Variants in MACROD2 observed in about 807,000 individuals in gnomAD.
MACROD2 encodes mono-ADP ribosylhydrolase 2.
MACROD2 carries 36 observed loss-of-function variants against 70.4 expected under a neutral mutation model. That is an observed-to-expected ratio of 0.51 (90% CI 0.39 to 0.68). The LOEUF (loss-of-function observed/expected upper bound fraction) is 0.68, where lower values mean the gene tolerates loss of function less well. Ranked by LOEUF, MACROD2 falls within the 30% of genes least tolerant of loss-of-function variation. The pLI is 0.00. For synonymous variants in MACROD2, 172 were observed against 178.8 expected (o/e 0.96, Z 0.30); for missense variants, 496 against 538.4 (o/e 0.92, Z 0.78).
At chr20:15,908,195 C>T (rs927526219) in intron 10 of MACROD2, among the ~76,000 whole-genome samples, 1 of 152,082 alleles carries the variant, frequency 6.6e-6, no homozygotes, top group Non-Finnish European at 1.5e-5. Context: ...ATGCGCTAGA[C>T]CAGTGGAAGT....
chr20:14,702,664 T>C (rs1400886430), intron 5 of MACROD2, among the ~76,000 whole-genome samples: 1 of 79,208 alleles, frequency 1.3e-5, no homozygotes, highest in Non-Finnish European at 2.5e-5. Flanking sequence ...TATATATGTG[T>C]ATATATATAT....
chr20:15,518,225 T>C (rs2047597390), intron 8 of MACROD2, among the ~76,000 whole-genome samples: 1 of 152,230 alleles, frequency 6.6e-6, no homozygotes, highest in African/African-American at 2.4e-5. Flanking sequence ...CAAATACTTC[T>C]CGAGGTCAGA....
At chr20:15,239,750 A>T (rs1036774035) in intron 6 of MACROD2, among the ~76,000 whole-genome samples, 2 of 152,184 alleles carry the variant, frequency 1.3e-5, no homozygotes, top group African/African-American at 4.8e-5. Context: ...AAGGAGAAAG[A>T]AGCCAGGAGA....
intron 5 of MACROD2, among the ~76,000 whole-genome samples, chr20:14,970,016 A>T (rs2074676125): frequency 6.6e-6 from 1 of 152,146 alleles, no homozygotes; most frequent in Non-Finnish European, 1.5e-5. Context: ...GTATTAGTCC[A>T]TTCTCACGCT....
intron 3 of MACROD2, among the ~76,000 whole-genome samples, chr20:14,455,381 C>G (rs564027535): frequency 1.3e-5 from 2 of 151,910 alleles, no homozygotes; most frequent in South Asian, 4.1e-4. Flanking sequence ...ATCCTGAAAC[C>G]TACTGAAGTG....
intron 5 of MACROD2, among the ~76,000 whole-genome samples, chr20:14,751,450 G>C (rs1024782229): frequency 4.6e-5 from 7 of 152,074 alleles, no homozygotes; most frequent in African/African-American, 1.7e-4. Flanking sequence ...TAGCAAAACT[G>C]ATCTGTACCA....
At chr20:14,465,855 A>C (rs543947029) in intron 3 of MACROD2, among the ~76,000 whole-genome samples, 43 of 152,266 alleles carry the variant, frequency 2.8e-4, no homozygotes, top group Non-Finnish European at 5.3e-4. Flanking sequence ...AATGTTGAAT[A>C]GTGGCCCCCA....
In MACROD2 at chr20:16,022,491, G is replaced by A. The variant is rs140736448; in HGVS notation, c.1154-18710G>A. Among the ~76,000 whole-genome samples, 34 of 152,286 alleles carry A rather than the reference G, an allele frequency of 2.2e-4. No individual in the cohort carries two copies. The East Asian group carries it at 6.0e-3, about 27-fold the overall frequency. ...GGTGAAAAGCAATCAGTAAGCCAAT[G>A]ACTCTCAAGCTTTTACATGTACAAG... On this transcript the variant is annotated intron_variant, in intron 15 of 17. Transcript: ENST00000684519.
chr20:15,116,211 T>C (rs1054911912), intron 5 of MACROD2, among the ~76,000 whole-genome samples: 1 of 152,198 alleles, frequency 6.6e-6, no homozygotes, highest in Non-Finnish European at 1.5e-5. Flanking sequence ...ACTGTGTGTG[T>C]CCACTTATAT....
intron 3 of MACROD2, chr20:14,329,321 G>T (rs191901846): frequency 6.6e-6 from 1 of 152,144 alleles, no homozygotes; most frequent in East Asian, 1.9e-4. Flanking sequence ...CTGGGACTGA[G>T]CATCTCCTGT....
chr20:14,434,438 G>A (rs1295365908), intron 3 of MACROD2, among the ~76,000 whole-genome samples: 1 of 149,940 alleles, frequency 6.7e-6, no homozygotes, highest in Admixed American at 6.8e-5. Flanking sequence ...CCAGTATTAG[G>A]TGCTTCAGTT....
intron 5 of MACROD2, among the ~76,000 whole-genome samples, chr20:14,822,860 T>C (rs2072862118): frequency 6.6e-6 from 1 of 152,080 alleles, no homozygotes; most frequent in Non-Finnish European, 1.5e-5. Flanking sequence ...TAATTCCACA[T>C]TGGATTTCAT....
intron 5 of MACROD2, among the ~76,000 whole-genome samples, chr20:14,996,198 A>AG (rs1024300276): frequency 1.3e-5 from 2 of 152,192 alleles, no homozygotes; most frequent in African/African-American, 4.8e-5. Context: ...TATTATAAGT[A>AG]GGGGGTCTCA....
At chr20:14,967,219 G>GTC (rs1482424413) in intron 5 of MACROD2, among the ~76,000 whole-genome samples, 1 of 152,108 alleles carries the variant, frequency 6.6e-6, no homozygotes, top group Non-Finnish European at 1.5e-5. Context: ...TTGAGACGGA[G>GTC]TCTCTCTCTG....
At chr20:15,334,708 A>G (rs1237925277) in intron 6 of MACROD2, among the ~76,000 whole-genome samples, 1 of 151,692 alleles carries the variant, frequency 6.6e-6, no homozygotes, top group Non-Finnish European at 1.5e-5. Flanking sequence ...ATACATATCT[A>G]TATTTATTTA....
chr20:14,459,520 G>A (rs901272947), intron 3 of MACROD2, among the ~76,000 whole-genome samples: 15 of 151,818 alleles, frequency 9.9e-5, no homozygotes, highest in Admixed American at 2.0e-4. Flanking sequence ...ATGTGTGTAT[G>A]TATGTAGGTA....
chr20:15,165,123 A>G (rs1338918126), intron 5 of MACROD2, among the ~76,000 whole-genome samples: 1 of 152,144 alleles, frequency 6.6e-6, no homozygotes, highest in Non-Finnish European at 1.5e-5. Flanking sequence ...ATATAAATGA[A>G]AACAAGCGAC....
At chr20:14,139,575 T>C in intron 3 of MACROD2, among the ~76,000 whole-genome samples, 1 of 152,236 alleles carries the variant, frequency 6.6e-6, no homozygotes, top group East Asian at 1.9e-4. Flanking sequence ...GGTGACATTA[T>C]TGATTTGTAT....
At chr20:15,129,164 T>G (rs1331941291) in intron 5 of MACROD2, among the ~76,000 whole-genome samples, 3 of 152,062 alleles carry the variant, frequency 2.0e-5, no homozygotes, top group Admixed American at 1.3e-4. Context: ...TGTAACATAA[T>G]TTATTTTGGA....
Sources: allele counts gnomAD v4.1 joint callset (sites outside exome capture counted in the v4.1 genomes callset), GRCh38; gene constraint gnomAD v4.1.1; transcripts MANE v1.5; gene names NCBI Gene and HGNC (gene_info 2026-07-23, HGNC 2026-07-21).